Variants in PHACTR1 observed in about 807,000 individuals in gnomAD.
PHACTR1 encodes RPEL repeat containing 1.
PHACTR1 carries 16 observed loss-of-function variants against 69.2 expected under a neutral mutation model. That is an observed-to-expected ratio of 0.23 (90% CI 0.16 to 0.35). The LOEUF (loss-of-function observed/expected upper bound fraction) is 0.35, where lower values mean the gene tolerates loss of function less well. Ranked by LOEUF, PHACTR1 falls within the 10% of genes least tolerant of loss-of-function variation. The pLI is 1.00. For synonymous variants in PHACTR1, 312 were observed against 284.5 expected (o/e 1.10, Z -0.97); for missense variants, 510 against 734.7 (o/e 0.69, Z 3.54).
chr6:12,782,184 G>A (rs1770918344), intron 4 of PHACTR1, among the ~76,000 whole-genome samples: 1 of 152,168 alleles, frequency 6.6e-6, no homozygotes, highest in African/African-American at 2.4e-5. Context: ...TTGTATCAAG[G>A]CATCTCATAG....
chr6:13,072,914 G>C (rs1446738968), intron 5 of PHACTR1, among the ~76,000 whole-genome samples: 2 of 152,140 alleles, frequency 1.3e-5, no homozygotes, highest in Admixed American at 6.5e-5. Context: ...AGTTAAGGTG[G>C]TTAGTGAGGA....
chr6:12,992,375 G>A (rs529474934), intron 4 of PHACTR1, among the ~76,000 whole-genome samples: 1 of 152,296 alleles, frequency 6.6e-6, no homozygotes, highest in East Asian at 1.9e-4. Flanking sequence ...GCTATTCTTG[G>A]CTCTTAATAT....
At chr6:13,219,356 A>G (rs1768238060) in intron 8 of PHACTR1, among the ~76,000 whole-genome samples, 1 of 152,214 alleles carries the variant, frequency 6.6e-6, no homozygotes, top group South Asian at 2.1e-4. Flanking sequence ...AGCGACAGGT[A>G]ATAAGCCTGT....
intron 5 of PHACTR1, among the ~76,000 whole-genome samples, chr6:13,111,714 G>T (rs550004440): frequency 6.6e-5 from 10 of 152,164 alleles, no homozygotes; most frequent in African/African-American, 2.4e-4. Flanking sequence ...TGTTCACATC[G>T]CTGTGCCTGT....
intron 6 of PHACTR1, among the ~76,000 whole-genome samples, chr6:13,162,668 C>T (rs930232056): frequency 3.3e-5 from 5 of 152,136 alleles, no homozygotes; most frequent in Non-Finnish European, 5.9e-5. Flanking sequence ...TTATTATTTC[C>T]GTTACATCTA....
chr6:12,850,719 G>A (rs539171131), intron 4 of PHACTR1, among the ~76,000 whole-genome samples: 1 of 152,322 alleles, frequency 6.6e-6, no homozygotes, highest in South Asian at 2.1e-4. Flanking sequence ...AGCTTCTGAT[G>A]TTTGGCAGTC....
chr6:12,943,242 A>G (rs1325987758), intron 4 of PHACTR1, among the ~76,000 whole-genome samples: 2 of 152,264 alleles, frequency 1.3e-5, no homozygotes, highest in Non-Finnish European at 2.9e-5. Context: ...CCTTGAAAAT[A>G]CTATGCCAAG....
Position 13,058,477 on chromosome 6 carries a change from G to A in PHACTR1, c.415+4948G>A, listed in dbSNP as rs568059525. 2.6e-4 allele frequency among the ~76,000 whole-genome samples: 39 copies of A among 152,268 alleles called. 1 individual carries two copies. Among genetic ancestry groups the A allele is most frequent in the Admixed American group, 5.2e-4 (8 of 15,296 alleles). ...TTTTACTGAGTGTCCACCACATGCC[G>A]GAATGTCACCTGGCTCTGGGTATAT... On this transcript the variant is annotated intron_variant, in intron 5 of 14. Transcript: ENST00000332995.
At position 13,027,446 on chromosome 6, in the gene PHACTR1, A is replaced by T. The variant is rs571936015; in HGVS notation, c.251-25919A>T. ...TCTGGCTAGTCCTCGGGTCCATGTT[A>T]CTGCAACAGAAACCAGCAGAAGCTG... is the stretch of plus-strand genomic sequence containing the variant. On this transcript the variant is annotated intron_variant, in intron 4 of 14. Coordinates refer to ENST00000332995, the MANE Select transcript of PHACTR1 (RefSeq NM_030948.6). Among the ~76,000 whole-genome samples, 4 of 152,288 alleles carry T rather than the reference A, an allele frequency of 2.6e-5. No individual in the cohort carries two copies. The South Asian group carries it at 8.3e-4, about 32-fold the overall frequency.
intron 4 of PHACTR1, among the ~76,000 whole-genome samples, chr6:12,940,650 T>C (rs1014026200): frequency 6.6e-6 from 1 of 152,236 alleles, no homozygotes; most frequent in Non-Finnish European, 1.5e-5. Flanking sequence ...ATGTCCTACA[T>C]ACATCTCATC....
chr6:12,934,485 A>G (rs905255280), intron 4 of PHACTR1, among the ~76,000 whole-genome samples: 1 of 152,168 alleles, frequency 6.6e-6, no homozygotes, highest in Non-Finnish European at 1.5e-5. Context: ...TCAGATCTGC[A>G]TCATCTCTCC....
intron 7 of PHACTR1, among the ~76,000 whole-genome samples, chr6:13,183,102 A>G (rs1170847898): frequency 6.6e-6 from 1 of 152,216 alleles, no homozygotes; most frequent in East Asian, 1.9e-4. Context: ...TAATACTTGT[A>G]TCAATTTACT....
At chr6:13,272,654 G>T (rs1040814308) in intron 10 of PHACTR1, 4 of 1,452,988 alleles carry the variant, frequency 2.8e-6, no homozygotes, top group African/African-American at 2.8e-5. Flanking sequence ...GGGGGTCAGC[G>T]GCTGTGACAT....
At chr6:13,194,871 TATC>T (rs542058222) in intron 7 of PHACTR1, among the ~76,000 whole-genome samples, 91 of 152,318 alleles carry the variant, frequency 6.0e-4, no homozygotes, top group African/African-American at 1.3e-3. Context: ...TTGTGTATGT[TATC>T]ATGGCCCTTG....
At chr6:12,749,571 C>A (rs1415600771) in intron 3 of PHACTR1, 73 bp from the exon 4 acceptor site, 1 of 548,168 alleles carries the variant, frequency 1.8e-6, no homozygotes, top group African/African-American at 2.3e-5. Context: ...CTCCCCCGTG[C>A]GCGAGCCTCT....
chr6:12,724,622 G>C (rs1762550174), intron 3 of PHACTR1, among the ~76,000 whole-genome samples: 1 of 152,184 alleles, frequency 6.6e-6, no homozygotes, highest in African/African-American at 2.4e-5. Context: ...CTCTCATCTA[G>C]TTAGACTGAT....
chr6:13,157,808 A>G (rs566825276), intron 5 of PHACTR1, among the ~76,000 whole-genome samples: 4 of 152,248 alleles, frequency 2.6e-5, no homozygotes, highest in African/African-American at 9.6e-5. Flanking sequence ...CCGTACTTAA[A>G]GCCCCCCTGC....
chr6:13,148,570 C>T (rs1823806700), intron 5 of PHACTR1, among the ~76,000 whole-genome samples: 1 of 152,076 alleles, frequency 6.6e-6, no homozygotes, highest in Non-Finnish European at 1.5e-5. Context: ...GAGGCTGTTT[C>T]CTTCCTTTTT....
chr6:12,894,985 A>G (rs1784513342), intron 4 of PHACTR1, among the ~76,000 whole-genome samples: 1 of 152,188 alleles, frequency 6.6e-6, no homozygotes, highest in African/African-American at 2.4e-5. Flanking sequence ...GTTCACTACT[A>G]TATCCCTAGA....
Sources: gnomAD v4.1 joint callset for allele counts (sites outside exome capture counted in the v4.1 genomes callset) on GRCh38, gnomAD v4.1.1 for gene constraint, MANE v1.5 for transcripts, NCBI Gene and HGNC (gene_info 2026-07-23, HGNC 2026-07-21) for gene names.